The following GSK3B variants were observed in gnomAD, a reference collection of about 807,000 sequenced individuals.
GSK3B encodes glycogen synthase kinase-3 beta.
A neutral mutation model predicts 56.4 loss-of-function variants in GSK3B; 15 were observed. The ratio of observed to expected loss-of-function variants is 0.27; its 90% CI spans 0.18 to 0.41. The LOEUF is 0.41. GSK3B is among the 10% of genes least tolerant of loss of function. The pLI, the probability that GSK3B is intolerant of heterozygous loss-of-function variation, is 1.00. For synonymous variants in GSK3B, 181 were observed against 188.9 expected, an observed-to-expected ratio of 0.96 and a Z score of 0.34; for missense variants, 300 against 513.4, an observed-to-expected ratio of 0.58 and a Z score of 4.02.
rs545438234 is a variant in GSK3B, at chr3:120,026,932, G to T, written c.89-24693C>A. Among the ~76,000 whole-genome samples, 4 of 151,936 alleles carry T rather than the reference G, an allele frequency of 2.6e-5. No individual in the cohort carries two copies. In the South Asian group the frequency reaches 8.3e-4, roughly 32 times the overall value. ...CAGCAGGACAAAAAATTAGCCAGGC[G>T]TGGTGTCATGCGCCTGTAATCCCAG... On this transcript the variant is annotated intron_variant, in intron 1 of 10. Coordinates refer to ENST00000264235, the MANE Select transcript of GSK3B (RefSeq NM_001146156.2).
intron 2 of GSK3B, among the ~76,000 whole-genome samples, chr3:119,955,075 A>G (rs984329017): frequency 1.3e-5 from 2 of 152,094 alleles, no homozygotes; most frequent in Non-Finnish European, 2.9e-5. Flanking sequence ...TGTTTTGCTT[A>G]AAGAATATTT....
chr3:119,844,461 G>T (rs187206302), intron 9 of GSK3B, among the ~76,000 whole-genome samples: 31 of 151,336 alleles, frequency 2.0e-4, no homozygotes, highest in Admixed American at 4.0e-4. Context: ...AAAGAGAGAA[G>T]AATCAAATAG....
intron 2 of GSK3B, among the ~76,000 whole-genome samples, chr3:119,971,700 C>T (rs2057368920): frequency 6.9e-6 from 1 of 144,902 alleles, no homozygotes; most frequent in African/African-American, 2.6e-5. Context: ...CAAGCTCCGC[C>T]TCCCGGGTTC....
chr3:120,051,797 G>C (rs1335535462), intron 1 of GSK3B, among the ~76,000 whole-genome samples: 1 of 151,356 alleles, frequency 6.6e-6, no homozygotes, highest in Non-Finnish European at 1.5e-5. Context: ...TGAGTAATTT[G>C]GTATGACTGC....
At chr3:119,891,513 T>C (rs2056501794) in intron 7 of GSK3B, among the ~76,000 whole-genome samples, 1 of 152,136 alleles carries the variant, frequency 6.6e-6, no homozygotes, top group Admixed American at 6.6e-5. Context: ...AACAGAATAA[T>C]TGAATAATTT....
At chr3:119,861,624 T>C (rs1033138128) in intron 9 of GSK3B, among the ~76,000 whole-genome samples, 1 of 152,046 alleles carries the variant, frequency 6.6e-6, no homozygotes, top group African/African-American at 2.4e-5. Flanking sequence ...AGAAACACTG[T>C]TCAAAAACAG....
At chr3:120,058,945 C>G (rs112630184) in intron 1 of GSK3B, among the ~76,000 whole-genome samples, 4,131 of 150,014 alleles carry the variant, frequency 0.028, 179 homozygotes, top group African/African-American at 0.093. Context: ...AGGAAGCACA[C>G]GTTGCAGTGA....
At chr3:119,927,248 A>C (rs1435725155) in intron 3 of GSK3B, among the ~76,000 whole-genome samples, 1 of 152,254 alleles carries the variant, frequency 6.6e-6, no homozygotes, top group African/African-American at 2.4e-5. Flanking sequence ...ATAAAGCTTG[A>C]AGAAAAAAAT....
intron 1 of GSK3B, among the ~76,000 whole-genome samples, chr3:120,051,509 G>A (rs2058149698): frequency 6.6e-6 from 1 of 152,224 alleles, no homozygotes; most frequent in Non-Finnish European, 1.5e-5. Flanking sequence ...GCTCACGCCT[G>A]CAATCCCAGC....
intron 8 of GSK3B, among the ~76,000 whole-genome samples, chr3:119,874,296 T>A (rs939462561): frequency 6.6e-6 from 1 of 152,116 alleles, no homozygotes; most frequent in Non-Finnish European, 1.5e-5. Context: ...ACCCTACATA[T>A]ACTGTTTTTC....
intron 8 of GSK3B, among the ~76,000 whole-genome samples, chr3:119,869,195 G>T (rs1390309489): frequency 6.0e-5 from 8 of 132,420 alleles, no homozygotes; most frequent in African/African-American, 2.3e-4. Flanking sequence ...CTGCACTCCA[G>T]CCTGGGCAAC....
intron 3 of GSK3B, among the ~76,000 whole-genome samples, chr3:119,943,464 T>C (rs1040985370): frequency 6.6e-6 from 1 of 152,176 alleles, no homozygotes; most frequent in African/African-American, 2.4e-5. Context: ...TGCATATACC[T>C]ATATAAACAT....
Position 119,824,252 on chromosome 3 carries a change from G to A in GSK3B, c.*2536C>T, listed in dbSNP as rs1291416291. ...ATTATTATATACAAAAAGATATTCA[G>A]AGACCTGGATCTCACTTGTATAAAA... On this transcript the variant is annotated 3_prime_UTR_variant, in exon 11 of 11. Coordinates refer to ENST00000264235, the MANE Select transcript of GSK3B (RefSeq NM_001146156.2). 1 of 222,006 alleles carries A rather than the reference G, an allele frequency of 4.5e-6. No individual in the cohort carries two copies. The highest frequency in any genetic ancestry group is 6.5e-5 in the East Asian group (1 of 15,318). The allele number at this position is 222,006 out of a possible 1,614,324, so 13.8% of individuals were successfully genotyped here. A position where few individuals can be genotyped will look rare whatever the true frequency, so the allele number is the denominator to read the frequency against.
intron 9 of GSK3B, among the ~76,000 whole-genome samples, chr3:119,862,434 T>C (rs1402375484): frequency 7.7e-6 from 1 of 130,382 alleles, no homozygotes; most frequent in Admixed American, 7.9e-5. Context: ...AGATGACACA[T>C]TAGTGGGTGC....
chr3:120,074,720 A>T (rs1282267958), intron 1 of GSK3B, among the ~76,000 whole-genome samples: 1 of 152,234 alleles, frequency 6.6e-6, no homozygotes, highest in African/African-American at 2.4e-5. Context: ...GAAAAAAAAT[A>T]GAAAACCTAA....
At chr3:120,055,588 A>C (rs1190586351) in intron 1 of GSK3B, among the ~76,000 whole-genome samples, 2 of 152,190 alleles carry the variant, frequency 1.3e-5, no homozygotes, top group Non-Finnish European at 2.9e-5. Flanking sequence ...TGGGAGTTAG[A>C]GTGAGGAGGG....
Position 120,018,797 on chromosome 3 carries a change from C to A in GSK3B, c.89-16558G>T, listed in dbSNP as rs1243275364. Among the ~76,000 whole-genome samples, 5 of 152,096 alleles carry A rather than the reference C, an allele frequency of 3.3e-5. No homozygotes were observed. The East Asian group carries it at 9.6e-4, about 29-fold the overall frequency. On this transcript the variant is annotated intron_variant, in intron 1 of 10. Transcript: ENST00000264235. ...ATACAAAGCTACCTGAGAGACAAAT[C>A]ATCTAAAACGAGTAAAAAGAGAGCC...
intron 2 of GSK3B, among the ~76,000 whole-genome samples, chr3:119,977,832 CAA>C (rs1254364037): frequency 5.3e-5 from 8 of 152,180 alleles, no homozygotes; most frequent in African/African-American, 1.7e-4. Flanking sequence ...AGAATAAAAA[CAA>C]AGAGTTTAGT....
chr3:119,861,929 C>T (rs1422502288), intron 9 of GSK3B, among the ~76,000 whole-genome samples: 1 of 152,056 alleles, frequency 6.6e-6, no homozygotes, highest in Non-Finnish European at 1.5e-5. Context: ...CACATAAGCA[C>T]TCTGATAACC....
Sources: gnomAD v4.1 joint callset for allele counts (sites outside exome capture counted in the v4.1 genomes callset) on GRCh38, gnomAD v4.1.1 for gene constraint, MANE v1.5 for transcripts, NCBI Gene and HGNC (gene_info 2026-07-23, HGNC 2026-07-21) for gene names.